Variants in SHISA9 observed in about 807,000 individuals in gnomAD.
SHISA9 encodes shisa family member 9, also known as protein shisa-9.
In SHISA9, 13 loss-of-function variants were observed where a neutral mutation model predicts 38.0. The ratio of observed to expected loss-of-function variants is 0.34; its 90% CI spans 0.22 to 0.54. The LOEUF (loss-of-function observed/expected upper bound fraction) is 0.54. SHISA9 is among the 20% of genes least tolerant of loss of function. The pLI is 0.91. For synonymous variants in SHISA9, 275 were observed against 242.0 expected (o/e 1.14, Z -1.27); for missense variants, 538 against 575.8 (o/e 0.93, Z 0.67).
At chr16:13,262,960 C>G in the SHISA9 span, among the ~76,000 whole-genome samples, 1 of 152,150 alleles carries the variant, frequency 6.6e-6, no homozygotes, top group African/African-American at 2.4e-5. Context: ...CCACTTCATA[C>G]ATAGACATGA....
At position 12,952,319 on chromosome 16, in the gene SHISA9, AG is replaced by A. The variant is rs530768380; in HGVS notation, c.691+35505del. 8.5e-5 allele frequency among the ~76,000 whole-genome samples: 13 copies of A among 152,330 alleles called. No individual in the cohort carries two copies. The South Asian group carries it at 2.5e-3, about 29-fold the overall frequency. ...ACTGGGCCTGTGCATCTCCTCTGGC[AG>A]CCCCGTGGCACGGTCCCTCCTCACA... On this transcript the variant is annotated intron_variant, in intron 2 of 4. Coordinates refer to ENST00000558583, the MANE Select transcript of SHISA9 (RefSeq NM_001145204.3).
chr16:13,415,196 C>G, the SHISA9 span, among the ~76,000 whole-genome samples: 1 of 152,144 alleles, frequency 6.6e-6, no homozygotes, highest in Admixed American at 6.5e-5. Flanking sequence ...TTAGGCTAAA[C>G]TTGATTTAAC....
At chr16:13,004,212 G>A (rs2072566259) in intron 2 of SHISA9, among the ~76,000 whole-genome samples, 1 of 152,186 alleles carries the variant, frequency 6.6e-6, no homozygotes, top group Admixed American at 6.5e-5. Flanking sequence ...TAACAGATCT[G>A]GAAAATCCTT....
the SHISA9 span, among the ~76,000 whole-genome samples, chr16:13,303,238 A>C: frequency 6.6e-6 from 1 of 152,226 alleles, no homozygotes; most frequent in African/African-American, 2.4e-5. Context: ...TACTCAAAAG[A>C]AAGGAAAACA....
chr16:13,045,326 C>G (rs1212890165), intron 2 of SHISA9, among the ~76,000 whole-genome samples: 1 of 152,114 alleles, frequency 6.6e-6, no homozygotes, highest in Non-Finnish European at 1.5e-5. Flanking sequence ...AGACAGATGA[C>G]TAGTTTGATC....
chr16:13,365,164 C>G, the SHISA9 span, among the ~76,000 whole-genome samples: 4 of 152,126 alleles, frequency 2.6e-5, no homozygotes, highest in Admixed American at 1.3e-4. Flanking sequence ...GGGGAAGGCC[C>G]TAGCATCACC....
At chr16:13,312,422 T>C in the SHISA9 span, among the ~76,000 whole-genome samples, 1 of 152,202 alleles carries the variant, frequency 6.6e-6, no homozygotes, top group Non-Finnish European at 1.5e-5. Flanking sequence ...CAGTCATGGA[T>C]TTCACAGACA....
At chr16:13,435,388 C>T in the SHISA9 span, among the ~76,000 whole-genome samples, 10 of 152,164 alleles carry the variant, frequency 6.6e-5, no homozygotes, top group African/African-American at 2.4e-4. Context: ...AATAAAACAT[C>T]AGGCAAATGA....
the SHISA9 span, among the ~76,000 whole-genome samples, chr16:13,462,805 C>T: frequency 3.3e-5 from 5 of 151,722 alleles, no homozygotes; most frequent in Non-Finnish European, 7.4e-5. Context: ...CTACTAAAAA[C>T]ACAAAAATTA....
chr16:13,116,498 T>G (rs887332336), intron 2 of SHISA9, among the ~76,000 whole-genome samples: 1 of 152,202 alleles, frequency 6.6e-6, no homozygotes, highest in Non-Finnish European at 1.5e-5. Context: ...AGCAGGGATG[T>G]CTGTTAAGAG....
At chr16:13,477,840 C>G in the SHISA9 span, among the ~76,000 whole-genome samples, 2 of 152,256 alleles carry the variant, frequency 1.3e-5, no homozygotes, top group African/African-American at 4.8e-5. Context: ...TGGTGTGCAC[C>G]TATAATCTCA....
intron 2 of SHISA9, among the ~76,000 whole-genome samples, chr16:13,047,567 C>A (rs1353993110): frequency 6.6e-6 from 1 of 152,098 alleles, no homozygotes; most frequent in African/African-American, 2.4e-5. Context: ...TTGATGGTTG[C>A]TTTCGGGAGG....
the SHISA9 span, among the ~76,000 whole-genome samples, chr16:13,428,066 G>T: frequency 7.9e-5 from 12 of 152,300 alleles, no homozygotes; most frequent in African/African-American, 2.4e-4. Flanking sequence ...TTTCTAGGTT[G>T]AATTTGTCAC....
the SHISA9 span, among the ~76,000 whole-genome samples, chr16:13,358,196 G>C: frequency 2.0e-5 from 3 of 152,150 alleles, no homozygotes; most frequent in African/African-American, 7.2e-5. Context: ...CTGGGATACT[G>C]GGGTGAGAAG....
At chr16:13,096,777 C>T (rs1292751753) in intron 2 of SHISA9, among the ~76,000 whole-genome samples, 1 of 152,092 alleles carries the variant, frequency 6.6e-6, no homozygotes, top group African/African-American at 2.4e-5. Context: ...GTTTCGTGAA[C>T]ATCTAAAGCT....
At chr16:13,520,263 A>G in the SHISA9 span, among the ~76,000 whole-genome samples, 1 of 152,144 alleles carries the variant, frequency 6.6e-6, no homozygotes, top group African/African-American at 2.4e-5. Context: ...TAGTACCAAA[A>G]CAAAGCTAGA....
chr16:13,444,535 T>C, the SHISA9 span, among the ~76,000 whole-genome samples: 3 of 152,174 alleles, frequency 2.0e-5, no homozygotes, highest in East Asian at 3.9e-4. Context: ...CAGCACGTTC[T>C]ATTGTCTGTG....
At chr16:13,036,788 C>G (rs1031775096) in intron 2 of SHISA9, among the ~76,000 whole-genome samples, 1 of 150,996 alleles carries the variant, frequency 6.6e-6, no homozygotes, top group Admixed American at 6.6e-5. Flanking sequence ...AATTCAGGAC[C>G]ACGGACAGCA....
At chr16:13,036,013 A>T (rs896184161) in intron 2 of SHISA9, among the ~76,000 whole-genome samples, 5 of 152,226 alleles carry the variant, frequency 3.3e-5, no homozygotes, top group African/African-American at 1.2e-4. Flanking sequence ...TGATGGTGAA[A>T]ATATGGAGTG....
Sources: allele counts gnomAD v4.1 joint callset (sites outside exome capture counted in the v4.1 genomes callset), GRCh38; gene constraint gnomAD v4.1.1; transcripts MANE v1.5; gene names NCBI Gene and HGNC (gene_info 2026-07-23, HGNC 2026-07-21).